Variants in NR4A1 observed in about 807,000 individuals in gnomAD.
The protein encoded by NR4A1 is nuclear receptor subfamily 4immunitygroup A member 1.
A neutral mutation model predicts 47.5 loss-of-function variants in NR4A1; 24 were observed. The ratio of observed to expected loss-of-function variants is 0.50; its 90% CI spans 0.37 to 0.71. The LOEUF is 0.71. NR4A1 is among the 30% of genes least tolerant of loss of function. NR4A1 has a pLI of 0.00. For missense variants in NR4A1, 669 were observed against 788.6 expected (o/e 0.85, Z 1.82); for synonymous variants, 353 against 345.7 (o/e 1.02, Z -0.24).
At chr12:52,058,355 T>C in intron 6 of NR4A1, 1 of 302,244 alleles carries the variant, frequency 3.3e-6, no homozygotes, top group Non-Finnish European at 6.1e-6. Flanking sequence ...TGCTGAGTTC[T>C]GAGGCTGGGT....
chr12:52,054,581 G>GCCTCCTCCACATCCTCGT lies in NR4A1; in HGVS notation c.258_275dup (p.Ser87_Ser92dup), dbSNP rs776608278. On this transcript the variant is annotated inframe_insertion, in exon 2 of 7. Coordinates refer to ENST00000394825, the MANE Select transcript of NR4A1 (RefSeq NM_173157.3). ...GCCATGCTCCTCAGCCTCCTCCTCG[G>GCCTCCTCCACATCCTCGT]CCTCCTCCACATCCTCGTCCTCAGC... 4 of 1,614,056 alleles carry GCCTCCTCCACATCCTCGT rather than the reference G, an allele frequency of 2.5e-6. No individual in the cohort carries two copies. Among genetic ancestry groups the GCCTCCTCCACATCCTCGT allele is most frequent in the South Asian group, 2.2e-5 (2 of 91,078 alleles).
intron 2 of NR4A1, chr12:52,043,654 C>A (rs117293367): frequency 1.9e-5 from 22 of 1,187,434 alleles, no homozygotes; most frequent in Non-Finnish European, 2.0e-5. Flanking sequence ...TGGCTCCCCC[C>A]ATCCCCAGAG....
Position 52,056,031 on chromosome 12 carries a change from G to A in NR4A1, c.878G>A (p.Arg293His). 3 of 1,249,888 alleles carry A rather than the reference G, an allele frequency of 2.4e-6. No homozygotes were observed. The highest frequency in any genetic ancestry group is 3.1e-6 in the Non-Finnish European group (3 of 964,108). The allele number at this position is 1,249,888 out of a possible 1,614,324, so 77.4% of individuals were successfully genotyped here. ...GTTCCGTGTTGCCCCCCCACCCAGC[G>A]CACAGTGCAGAAAAACGCCAAGTAC... ...TCEGCKGFFK[R>H]TVQKNAKYIC... Residue 293 changes from arginine (R) to histidine (H), a missense_variant and splice_region_variant, in exon 3 of 7, where the codon CGC becomes CAC. Transcript: ENST00000394825.
intron 1 of NR4A1, among the ~76,000 whole-genome samples, chr12:52,033,583 A>C (rs1565639251): frequency 6.6e-6 from 1 of 152,154 alleles, no homozygotes; most frequent in East Asian, 1.9e-4. Flanking sequence ...CATGGCAACT[A>C]AGTAGAGCAA....
chr12:52,041,088 G>T (rs1320246515), intron 1 of NR4A1, among the ~76,000 whole-genome samples: 4 of 152,136 alleles, frequency 2.6e-5, no homozygotes, highest in Non-Finnish European at 4.4e-5. Flanking sequence ...CAGGGGTTGG[G>T]GCTAGCTTTT....
rs2603753 is a variant in NR4A1, at chr12:52,056,600, A to G, written c.1113A>G (p.Ala371=). The part of the protein sequence containing the change: ...PANLLTSLVR[A]HLDSGPSTAK... ...ATCTCCTCACTTCCCTGGTCCGTGC[A>G]CACCTGGACTCAGGGCCCAGCACTG... Residue 371 remains alanine (A), a synonymous_variant, in exon 4 of 7, where the codon GCA becomes GCG. Coordinates refer to ENST00000394825, the MANE Select transcript of NR4A1 (RefSeq NM_173157.3). 12,229 of 1,612,436 alleles carry G rather than the reference A, an allele frequency of 7.6e-3. 772 individuals are homozygous for G. The African/African-American group carries it at 0.14, about 19-fold the overall frequency.
chr12:52,023,312 G>A (rs369790721), intron 1 of NR4A1, among the ~76,000 whole-genome samples: 1 of 148,714 alleles, frequency 6.7e-6, no homozygotes, highest in Non-Finnish European at 1.5e-5. Flanking sequence ...CGCCCACCCC[G>A]GGGCCGCGAG....
At chr12:52,023,877 C>T (rs1937944301) in intron 1 of NR4A1, among the ~76,000 whole-genome samples, 1 of 152,226 alleles carries the variant, frequency 6.6e-6, no homozygotes, top group South Asian at 2.1e-4. Context: ...CCTCTGCCGG[C>T]AGACTCGGGA....
At chr12:52,031,861 CCTTCGGCTCACTGCAAT>C (rs1404492516) in intron 1 of NR4A1, among the ~76,000 whole-genome samples, 7 of 147,178 alleles carry the variant, frequency 4.8e-5, no homozygotes, top group African/African-American at 1.8e-4. Context: ...CTCACTGCAA[CCTTCGGCTCACTGCAAT>C]TTCCGTCTCC....
At chr12:52,052,766 C>A in intron 1 of NR4A1, 2 of 618,890 alleles carry the variant, frequency 3.2e-6, no homozygotes, top group Non-Finnish European at 4.0e-6. Context: ...GAACAAGCGC[C>A]CAGTTCTGCC....
rs1938065251 is a variant in NR4A1 at position 52,029,221 on chromosome 12, C to T, written c.-84+6282C>T. 2.0e-5 allele frequency among the ~76,000 whole-genome samples: 3 copies of T among 152,350 alleles called. No individual in the cohort carries two copies. The South Asian group carries it at 6.2e-4, about 32-fold the overall frequency. ...ATACATGCACACACACTCCACCTCT[C>T]TCCTTGGTGCTCAGATGTGGGGGCA... is the stretch of plus-strand genomic sequence containing the variant. On this transcript the variant is annotated intron_variant, in intron 1 of 7. Coordinates refer to the NR4A1 transcript ENST00000360284.
intron 1 of NR4A1, among the ~76,000 whole-genome samples, chr12:52,051,996 C>T (rs546946848): frequency 6.6e-6 from 1 of 152,242 alleles, no homozygotes; most frequent in African/African-American, 2.4e-5. Flanking sequence ...TTCCAAAAGG[C>T]CCTCCTTCCT....
intron 1 of NR4A1, among the ~76,000 whole-genome samples, chr12:52,031,985 G>A (rs372957416): frequency 1.3e-5 from 2 of 151,926 alleles, no homozygotes; most frequent in African/African-American, 4.8e-5. Flanking sequence ...TAGTAGAGAC[G>A]GGGTTTCACC....
intron 1 of NR4A1, chr12:52,052,540 A>C (rs947134401): frequency 3.0e-6 from 3 of 985,290 alleles, no homozygotes; most frequent in Middle Eastern, 5.2e-4. Flanking sequence ...GGTGCAAGCC[A>C]CATTGTTGCC....
chr12:52,056,687 C>T (rs530920021), intron 4 of NR4A1, 42 bp downstream of exon 4: 5 of 1,516,264 alleles, frequency 3.3e-6, no homozygotes, highest in East Asian at 4.7e-5. Context: ...GGTCTATGAG[C>T]ACATGCAGTG....
intron 1 of NR4A1, among the ~76,000 whole-genome samples, chr12:52,036,783 G>C (rs1463567561): frequency 6.7e-6 from 1 of 150,070 alleles, no homozygotes; most frequent in Non-Finnish European, 1.5e-5. Context: ...CCCTGTCCTC[G>C]CCAGCAGCCG....
Position 52,058,783 on chromosome 12 carries a change from C to A in NR4A1, c.1636C>A (p.Pro546Thr). 1 of 1,611,504 alleles carries A rather than the reference C, an allele frequency of 6.2e-7. No homozygotes were observed. The highest frequency in any genetic ancestry group is 8.5e-7 in the Non-Finnish European group (1 of 1,179,560). ...KEHVAAVAGE[P>T]QPASCLSRLL... is the part of the protein sequence containing the mutation. ...GCACGTGGCAGCTGTGGCGGGCGAG[C>A]CCCAGCCAGCCAGCTGCCTGTCACG... The change falls in exon 7 of 7, where the codon CCC becomes ACC. Residue 546 changes from proline (P) to threonine (T), a missense_variant. By Grantham distance (38) the Pro-to-Thr change is conservative (BLOSUM62 -1). Coordinates refer to ENST00000394825, the MANE Select transcript of NR4A1 (RefSeq NM_173157.3).
At chr12:52,025,305 C>T (rs1937980412) in intron 1 of NR4A1, among the ~76,000 whole-genome samples, 1 of 152,142 alleles carries the variant, frequency 6.6e-6, no homozygotes, top group Non-Finnish European at 1.5e-5. Context: ...AGGTGATCCA[C>T]CTGCCTCGGC....
chr12:52,026,913 G>C (rs1938011835), intron 1 of NR4A1, among the ~76,000 whole-genome samples: 1 of 152,194 alleles, frequency 6.6e-6, no homozygotes, highest in Non-Finnish European at 1.5e-5. Flanking sequence ...GAAGGTGAGA[G>C]CACAGAGGCT....
Sources: gnomAD v4.1 joint callset for allele counts (sites outside exome capture counted in the v4.1 genomes callset) on GRCh38, gnomAD v4.1.1 for gene constraint, MANE v1.5 for transcripts, NCBI Gene and HGNC (gene_info 2026-07-23, HGNC 2026-07-21) for gene names.